Variants in FAM135A observed in about 807,000 individuals in gnomAD.
The protein encoded by FAM135A is family with sequence similarity 135 member A.
Under a neutral mutation model 146.8 loss-of-function variants are expected in FAM135A, and 79 were observed. The observed-to-expected ratio is 0.54, with a 90% CI of 0.45 to 0.65. The LOEUF is 0.65. Ranked by LOEUF, FAM135A falls within the 30% of genes least tolerant of loss-of-function variation. FAM135A has a pLI of 0.00. For synonymous variants in FAM135A, 562 were observed against 603.6 expected (o/e 0.93, Z 1.01); for missense variants, 1,623 against 1,758.2 (o/e 0.92, Z 1.38).
chr6:70,461,700 C>A (rs1779483677), intron 5 of FAM135A, among the ~76,000 whole-genome samples: 1 of 152,084 alleles, frequency 6.6e-6, no homozygotes, highest in Non-Finnish European at 1.5e-5. Flanking sequence ...TTATATAATA[C>A]CTCATGGAAA....
intron 16 of FAM135A, among the ~76,000 whole-genome samples, chr6:70,529,739 G>A (rs1196413472): frequency 6.6e-6 from 1 of 151,894 alleles, no homozygotes; most frequent in Non-Finnish European, 1.5e-5. Flanking sequence ...AACACCTGCC[G>A]CCAAAAAACA....
At chr6:70,552,475 T>C (rs1800012630) in intron 20 of FAM135A, among the ~76,000 whole-genome samples, 1 of 147,552 alleles carries the variant, frequency 6.8e-6, no homozygotes, top group African/African-American at 2.5e-5. Context: ...CTTTTTTTTT[T>C]TTTTTTTTTT....
At chr6:70,513,362 C>T (rs1791468401) in intron 12 of FAM135A, 1 of 149,494 alleles carries the variant, frequency 6.7e-6, no homozygotes, top group Non-Finnish European at 1.5e-5. Context: ...CCTTCCTCCA[C>T]AGAAAATTTT....
At chr6:70,465,226 A>G (rs568488901) in intron 5 of FAM135A, among the ~76,000 whole-genome samples, 2 of 152,180 alleles carry the variant, frequency 1.3e-5, no homozygotes, top group South Asian at 4.1e-4. Context: ...CTAAGGCTGA[A>G]TAATATTCTT....
chr6:70,544,755 AT>A (rs1437631058), intron 20 of FAM135A, among the ~76,000 whole-genome samples: 2 of 151,562 alleles, frequency 1.3e-5, no homozygotes, highest in Non-Finnish European at 2.9e-5. Context: ...TTAAAAAAAA[AT>A]AAAGCCCACT....
intron 20 of FAM135A, among the ~76,000 whole-genome samples, chr6:70,550,524 T>C (rs906283722): frequency 6.6e-6 from 1 of 152,190 alleles, no homozygotes; most frequent in Non-Finnish European, 1.5e-5. Flanking sequence ...TTGAAAGGAA[T>C]CTTTTTTTCT....
chr6:70,416,102 A>G (rs1767492338), intron 2 of FAM135A, among the ~76,000 whole-genome samples: 1 of 152,208 alleles, frequency 6.6e-6, no homozygotes, highest in South Asian at 2.1e-4. Flanking sequence ...GCACTCTATT[A>G]GACTTTTCTA....
intron 2 of FAM135A, among the ~76,000 whole-genome samples, chr6:70,423,574 G>T (rs893282353): frequency 1.3e-5 from 2 of 152,178 alleles, no homozygotes; most frequent in Non-Finnish European, 2.9e-5. Context: ...AGCAGATGAA[G>T]TCCAGAGCAA....
intron 13 of FAM135A, among the ~76,000 whole-genome samples, chr6:70,523,570 TG>T (rs774679631): frequency 6.6e-6 from 1 of 152,148 alleles, no homozygotes; most frequent in East Asian, 1.9e-4. Flanking sequence ...ACAGTAGAAA[TG>T]AAACACGTCT....
chr6:70,457,782 T>G (rs745742328), intron 5 of FAM135A, among the ~76,000 whole-genome samples: 9 of 152,180 alleles, frequency 5.9e-5, no homozygotes, highest in Non-Finnish European at 1.3e-4. Flanking sequence ...TAATTAATGT[T>G]ATTTACAAAG....
At chr6:70,514,069 T>G (rs1791657543) in intron 12 of FAM135A, among the ~76,000 whole-genome samples, 2 of 151,966 alleles carry the variant, frequency 1.3e-5, no homozygotes, top group Non-Finnish European at 2.9e-5. Flanking sequence ...TTTAAAGAGA[T>G]TTGCTATTAT....
intron 11 of FAM135A, among the ~76,000 whole-genome samples, chr6:70,494,768 G>C (rs777374617): frequency 6.6e-6 from 1 of 152,102 alleles, no homozygotes; most frequent in African/African-American, 2.4e-5. Context: ...AAATTAATAA[G>C]TACTAGGAAT....
At chr6:70,454,628 C>G in intron 5 of FAM135A, among the ~76,000 whole-genome samples, 1 of 152,114 alleles carries the variant, frequency 6.6e-6, no homozygotes, top group Non-Finnish European at 1.5e-5. Flanking sequence ...CTACATATGG[C>G]TAGCCAGTTT....
Position 70,561,166 on chromosome 6 carries a change from C to G in FAM135A, c.*1245C>G, listed in dbSNP as rs1801814548. The G allele has an allele frequency of 6.6e-6, 1 of 152,232 alleles. No individual in the cohort carries two copies. Among genetic ancestry groups the G allele is most frequent in the South Asian group, 2.1e-4 (1 of 4,832 alleles). The allele number at this position is 152,232 out of a possible 1,614,324, so 9.4% of individuals were successfully genotyped here. On this transcript the variant is annotated 3_prime_UTR_variant, in exon 22 of 22. Coordinates refer to ENST00000418814, the MANE Select transcript of FAM135A (RefSeq NM_001162529.3). ...ATGAACAAATGGCTATCTGGAGGAA[C>G]AGCTACAACCCTTGTAATCCTTTGC...
chr6:70,521,645 G>T (rs530816134), intron 12 of FAM135A, among the ~76,000 whole-genome samples: 6 of 152,272 alleles, frequency 3.9e-5, no homozygotes, highest in East Asian at 1.9e-4. Flanking sequence ...ATCTTACTTT[G>T]TTTAGAAAAT....
intron 1 of FAM135A, 160 bp downstream of exon 1, chr6:70,413,862 C>T: frequency 1.0e-6 from 1 of 985,468 alleles, no homozygotes; most frequent in Non-Finnish European, 1.2e-6. Context: ...CGGAGCCTGG[C>T]CCCGGCCCCG....
chr6:70,544,214 G>C (rs1047263915), intron 20 of FAM135A, among the ~76,000 whole-genome samples: 1 of 152,202 alleles, frequency 6.6e-6, no homozygotes, highest in Non-Finnish European at 1.5e-5. Flanking sequence ...GGAGGCTGAG[G>C]CAGGTGAATT....
At chr6:70,499,369 A>G (rs551888330) in intron 11 of FAM135A, among the ~76,000 whole-genome samples, 15 of 152,198 alleles carry the variant, frequency 9.9e-5, no homozygotes, top group African/African-American at 3.1e-4. Flanking sequence ...TTGAGCCTAT[A>G]TGTGTCTTTG....
intron 11 of FAM135A, among the ~76,000 whole-genome samples, chr6:70,498,274 A>G (rs1464534824): frequency 6.6e-6 from 1 of 152,192 alleles, no homozygotes; most frequent in Non-Finnish European, 1.5e-5. Flanking sequence ...AGGTGTTGAT[A>G]GTATTCTCTG....
Sources: gnomAD v4.1 joint callset for allele counts (sites outside exome capture counted in the v4.1 genomes callset) on GRCh38, gnomAD v4.1.1 for gene constraint, MANE v1.5 for transcripts, NCBI Gene and HGNC (gene_info 2026-07-23, HGNC 2026-07-21) for gene names.